Variants in OPCML observed in about 807,000 individuals in gnomAD.
OPCML encodes opioid-binding protein/cell adhesion molecule.
In OPCML, 13 loss-of-function variants were observed where a neutral mutation model predicts 37.8. That is an observed-to-expected ratio of 0.34 (90% CI 0.22 to 0.55). OPCML has a LOEUF of 0.55. Ranked by LOEUF, OPCML falls within the 20% of genes least tolerant of loss-of-function variation. OPCML has a pLI of 0.91. For missense variants in OPCML, 341 were observed against 435.6 expected, an observed-to-expected ratio of 0.78 and a Z score of 1.93; for synonymous variants, 176 against 168.8, an observed-to-expected ratio of 1.04 and a Z score of -0.33.
chr11:133,038,773 A>G (rs1591938865), intron 1 of OPCML, among the ~76,000 whole-genome samples: 1 of 151,978 alleles, frequency 6.6e-6, no homozygotes, highest in Non-Finnish European at 1.5e-5. Context: ...AATTGGTTGT[A>G]ATAGGGTTGA....
chr11:132,536,714 G>A (rs560157498), intron 3 of OPCML, among the ~76,000 whole-genome samples: 22 of 152,134 alleles, frequency 1.4e-4, no homozygotes, highest in Non-Finnish European at 2.9e-4. Flanking sequence ...TAATAGAAAT[G>A]TTTATTTCTT....
At position 133,512,687 on chromosome 11, in the gene OPCML, T is replaced by A. The variant is rs78700027; in HGVS notation, c.61+19577A>T. ...AGGAGCCTACCAAAGAGTTGCCTCA[T>A]TGGGACAAAAAGGTGTTCCTATCCT... is the stretch of plus-strand genomic sequence containing the variant. On this transcript the variant is annotated intron_variant, in intron 1 of 7. Coordinates refer to ENST00000524381, the MANE Select transcript of OPCML (RefSeq NM_001012393.5). 3.3e-4 allele frequency among the ~76,000 whole-genome samples: 51 copies of A among 152,270 alleles called. 2 individuals are homozygous for A. The East Asian group carries it at 7.0e-3, about 21-fold the overall frequency.
chr11:132,695,135 C>T (rs893291644), intron 2 of OPCML, among the ~76,000 whole-genome samples: 2 of 152,076 alleles, frequency 1.3e-5, no homozygotes, highest in African/African-American at 4.8e-5. Context: ...ATTATAGGCA[C>T]ATATGCAAAT....
intron 1 of OPCML, among the ~76,000 whole-genome samples, chr11:133,097,702 T>C (rs866497937): frequency 3.9e-5 from 6 of 152,090 alleles, no homozygotes; most frequent in African/African-American, 2.4e-5. Flanking sequence ...TACCAACCCA[T>C]GGACATTAAA....
chr11:133,194,196 C>T (rs1388143971), intron 1 of OPCML, among the ~76,000 whole-genome samples: 2 of 146,626 alleles, frequency 1.4e-5, no homozygotes, highest in Admixed American at 1.4e-4. Context: ...TCCCTTTCCC[C>T]TTCCCCCACT....
At chr11:133,500,316 G>C (rs1479756383) in intron 1 of OPCML, among the ~76,000 whole-genome samples, 1 of 152,230 alleles carries the variant, frequency 6.6e-6, no homozygotes, top group African/African-American at 2.4e-5. Flanking sequence ...ACCCAGGTCA[G>C]TGGGGCTGTG....
chr11:133,443,064 G>T (rs1244323866), intron 1 of OPCML, among the ~76,000 whole-genome samples: 1 of 152,122 alleles, frequency 6.6e-6, no homozygotes, highest in Non-Finnish European at 1.5e-5. Flanking sequence ...TAAAAGTGAT[G>T]AAATGAAAAA....
intron 1 of OPCML, among the ~76,000 whole-genome samples, chr11:133,117,037 A>T (rs530445244): frequency 6.6e-6 from 1 of 152,154 alleles, no homozygotes; most frequent in East Asian, 1.9e-4. Flanking sequence ...ATTCCATACA[A>T]CTCATTAATT....
Position 133,421,326 on chromosome 11 carries a change from T to C in OPCML, c.61+110938A>G, listed in dbSNP as rs990725819. Reference sequence around the variant, plus strand: ...AGCTGTGGGCTCAAGAGAGTGAATTTAAGCAGTACAGGAAATGATTACAAG... The same window carrying C: ...AGCTGTGGGCTCAAGAGAGTGAATTCAAGCAGTACAGGAAATGATTACAAG... On this transcript the variant is annotated intron_variant, in intron 1 of 7. Coordinates refer to ENST00000524381, the MANE Select transcript of OPCML (RefSeq NM_001012393.5). The C allele has an allele frequency of 8.1e-6, 8 of 985,256 alleles. No individual in the cohort carries two copies. The African/African-American group carries it at 1.4e-4, about 17-fold the overall frequency. 61.0% of individuals were successfully genotyped at this position (985,256 alleles called of 1,614,324 possible).
At chr11:132,665,204 C>T (rs770728045) in intron 2 of OPCML, among the ~76,000 whole-genome samples, 1 of 152,144 alleles carries the variant, frequency 6.6e-6, no homozygotes, top group Non-Finnish European at 1.5e-5. Context: ...GGAAACACAA[C>T]CAAGGGAGGT....
chr11:133,384,842 G>A (rs1335980549), intron 1 of OPCML, among the ~76,000 whole-genome samples: 1 of 152,252 alleles, frequency 6.6e-6, no homozygotes, highest in African/African-American at 2.4e-5. Context: ...TAGGCTGGAT[G>A]ATAGGCAGAT....
chr11:132,509,170 C>T (rs2096263510), intron 4 of OPCML, among the ~76,000 whole-genome samples: 1 of 152,210 alleles, frequency 6.6e-6, no homozygotes, highest in South Asian at 2.1e-4. Flanking sequence ...CCTTGTCCTA[C>T]AGATTTGTGG....
chr11:133,031,772 A>G (rs1006690877), intron 1 of OPCML, among the ~76,000 whole-genome samples: 2 of 149,018 alleles, frequency 1.3e-5, no homozygotes, highest in African/African-American at 2.5e-5. Flanking sequence ...GACAGAAAAA[A>G]AATTTTCTCC....
chr11:132,901,783 G>C (rs1391400641), intron 2 of OPCML, among the ~76,000 whole-genome samples: 1 of 152,200 alleles, frequency 6.6e-6, no homozygotes, highest in Non-Finnish European at 1.5e-5. Context: ...AAAGGAAAAA[G>C]AAATGACAGT....
chr11:133,190,108 A>G (rs982604352), intron 1 of OPCML, among the ~76,000 whole-genome samples: 3 of 152,246 alleles, frequency 2.0e-5, no homozygotes, highest in African/African-American at 7.2e-5. Flanking sequence ...GCACACACAA[A>G]TGTGCCTGAT....
At chr11:133,336,909 G>T (rs999039639) in intron 1 of OPCML, among the ~76,000 whole-genome samples, 12 of 152,308 alleles carry the variant, frequency 7.9e-5, no homozygotes, top group Admixed American at 7.2e-4. Flanking sequence ...GCTATACCTG[G>T]ATTCTGATGT....
At chr11:133,346,611 T>A (rs937858303) in intron 1 of OPCML, among the ~76,000 whole-genome samples, 12 of 152,220 alleles carry the variant, frequency 7.9e-5, no homozygotes, top group African/African-American at 2.9e-4. Context: ...ATAGCCAGCA[T>A]AGATTAGACA....
intron 2 of OPCML, among the ~76,000 whole-genome samples, chr11:132,675,028 T>C (rs1393392661): frequency 6.6e-6 from 1 of 152,088 alleles, no homozygotes; most frequent in Non-Finnish European, 1.5e-5. Flanking sequence ...CCTGTGTCAT[T>C]AAATAGAATA....
chr11:133,351,320 A>G lies in OPCML; in HGVS notation c.61+180944T>C, dbSNP rs993572336. Reference sequence around the variant, plus strand: ...TACAATTGAGCTTTCAACTCCATCCATTCCAACACAACTGCAGTTATCAAG... The same window carrying G: ...TACAATTGAGCTTTCAACTCCATCCGTTCCAACACAACTGCAGTTATCAAG... On this transcript the variant is annotated intron_variant, in intron 1 of 7. Coordinates refer to ENST00000524381, the MANE Select transcript of OPCML (RefSeq NM_001012393.5). 3.3e-5 allele frequency among the ~76,000 whole-genome samples: 5 copies of G among 152,254 alleles called. 1 individual carries two copies. The highest frequency in any genetic ancestry group is 6.5e-5 in the Admixed American group (1 of 15,290).
Sources: allele counts gnomAD v4.1 joint callset (sites outside exome capture counted in the v4.1 genomes callset), GRCh38; gene constraint gnomAD v4.1.1; transcripts MANE v1.5; gene names NCBI Gene and HGNC (gene_info 2026-07-23, HGNC 2026-07-21).